GNAO1: variants seen among roughly 807,000 people sequenced by gnomAD.
GNAO1 encodes guanine nucleotide-binding protein G(o) subunit alpha.
For missense variants in GNAO1, 166 were observed against 478.7 expected (o/e 0.35, Z 6.10); for synonymous variants, 164 against 180.7 (o/e 0.91, Z 0.74).
At chr16:56,292,613 C>G (rs541333307) in intron 3 of GNAO1, among the ~76,000 whole-genome samples, 8 of 152,304 alleles carry the variant, frequency 5.3e-5, no homozygotes, top group South Asian at 2.1e-4. Context: ...CCACCCACCT[C>G]AGCCTCCCAA....
intron 2 of GNAO1, among the ~76,000 whole-genome samples, chr16:56,211,201 C>A (rs1212412821): frequency 1.3e-5 from 2 of 152,174 alleles, no homozygotes; most frequent in Admixed American, 6.5e-5. Context: ...GCTTAATATG[C>A]AGATCAGCTT....
intron 3 of GNAO1, among the ~76,000 whole-genome samples, chr16:56,298,157 G>A (rs1321974290): frequency 6.6e-6 from 1 of 152,220 alleles, no homozygotes; most frequent in East Asian, 1.9e-4. Context: ...GGGCAACAGG[G>A]CGAGACCCTG....
rs149176991 is a variant in GNAO1, at chr16:56,283,495, T to C, written c.303+7423T>C. Among the ~76,000 whole-genome samples the C allele has an allele frequency of 2.8e-3, 429 of 152,326 alleles. 2 individuals are homozygous for C. Among genetic ancestry groups the C allele is most frequent in the Non-Finnish European group, 4.0e-3 (272 of 68,032 alleles). ...TCCTCTGGTAAAAGAAATCTTGACA[T>C]TTAAGTCACACAATGGAGCTCAGGA... On this transcript the variant is annotated intron_variant, in intron 3 of 8. Coordinates refer to ENST00000262493, the MANE Select transcript of GNAO1 (RefSeq NM_020988.3).
Position 56,341,087 on chromosome 16 carries a change from C to T in GNAO1, c.723+4227C>T, listed in dbSNP as rs2037798377. On this transcript the variant is annotated intron_variant, in intron 6 of 8. Coordinates refer to ENST00000262493, the MANE Select transcript of GNAO1 (RefSeq NM_020988.3). Reference sequence around the variant, plus strand: ...TGCTCTGTGGATGCCCCTGACTCTGCCACAGAGAATCCACACAAACGGTCC... The same window carrying T: ...TGCTCTGTGGATGCCCCTGACTCTGTCACAGAGAATCCACACAAACGGTCC... The T allele has an allele frequency of 6.4e-6, 6 of 939,790 alleles. No individual in the cohort carries two copies. The African/African-American group carries it at 9.8e-5, about 15-fold the overall frequency. The allele number at this position is 939,790 out of a possible 1,614,324, so 58.2% of individuals were successfully genotyped here.
intron 3 of GNAO1, among the ~76,000 whole-genome samples, chr16:56,299,212 T>C (rs1414867494): frequency 6.6e-6 from 1 of 152,212 alleles, no homozygotes; most frequent in Non-Finnish European, 1.5e-5. Flanking sequence ...CAGGTGAACA[T>C]TCCTACCTTC....
At chr16:56,205,830 T>G (rs2036322313) in intron 2 of GNAO1, among the ~76,000 whole-genome samples, 1 of 152,110 alleles carries the variant, frequency 6.6e-6, no homozygotes. Context: ...TTTCATATAG[T>G]CATGCGTTCT....
In GNAO1 at chr16:56,351,356, C is replaced by A; in HGVS notation, c.724-28C>A. The A allele has an allele frequency of 6.3e-7, 1 of 1,581,936 alleles. No individual in the cohort carries two copies. The highest frequency in any genetic ancestry group is 1.7e-5 in the Admixed American group (1 of 59,652). On this transcript the variant is annotated intron_variant, in intron 6 of 8. Transcript: ENST00000262493. The surrounding 1 kb of genome is among the most constrained non-coding windows in gnomAD (Gnocchi z 6.1). ...TCTGTGTCTCCCTCCCGCTGTCTGT[C>A]CTCTCTCCTCCCTTCCTGCGGCCGC... is the stretch of plus-strand genomic sequence containing the variant.
At position 56,192,078 on chromosome 16, in the gene GNAO1, G is replaced by T; in HGVS notation, c.-158G>T. The T allele has an allele frequency of 1.7e-6, 1 of 601,040 alleles. No homozygotes were observed. The highest frequency in any genetic ancestry group is 3.0e-6 in the Non-Finnish European group (1 of 337,688). 37.2% of individuals were successfully genotyped at this position (601,040 alleles called of 1,614,324 possible). ...TTGTTAGCGGCTGTCTTTTTGGAGGGTTCTGGTTTCCCGACATTTTTGTTT... is the reference window on the plus strand; with the variant it reads ...TTGTTAGCGGCTGTCTTTTTGGAGGTTTCTGGTTTCCCGACATTTTTGTTT... On this transcript the variant is annotated 5_prime_UTR_variant, in exon 1 of 9. Coordinates refer to ENST00000262493, the MANE Select transcript of GNAO1 (RefSeq NM_020988.3).
At chr16:56,347,910 G>A (rs1326937746) in intron 6 of GNAO1, 73 of 865,068 alleles carry the variant, frequency 8.4e-5, no homozygotes, top group South Asian at 1.1e-4. Context: ...TCTGCCCGCC[G>A]TCCCCCACCC....
chr16:56,192,693 C>A, intron 2 of GNAO1, 77 bp downstream of exon 2: 2 of 864,040 alleles, frequency 2.3e-6, no homozygotes, highest in East Asian at 2.5e-5. Flanking sequence ...TTGCTTACTC[C>A]ACATTGCTCT....
At chr16:56,256,716 CTCTGTGTGTGTGTG>C (rs778133873) in intron 2 of GNAO1, among the ~76,000 whole-genome samples, 1,050 of 90,276 alleles carry the variant, frequency 0.012, 8 homozygotes, top group Non-Finnish European at 0.019. Context: ...CTCTCTCTCT[CTCTGTGTGTGTGTG>C]TGTGTGTGTG....
At chr16:56,340,665 C>T (rs1449936190) in intron 6 of GNAO1, 10 of 667,090 alleles carry the variant, frequency 1.5e-5, no homozygotes, top group Middle Eastern at 2.9e-4. Flanking sequence ...GACCACGTCC[C>T]GTCTGTCCTT....
At chr16:56,324,236 C>T (rs1285316033) in intron 3 of GNAO1, among the ~76,000 whole-genome samples, 3 of 152,220 alleles carry the variant, frequency 2.0e-5, no homozygotes, top group East Asian at 3.9e-4. Flanking sequence ...TTTGTGGCCT[C>T]GGTTTGTAAA....
intron 2 of GNAO1, among the ~76,000 whole-genome samples, chr16:56,205,352 G>T (rs1356343898): frequency 2.0e-5 from 3 of 152,204 alleles, no homozygotes; most frequent in Non-Finnish European, 4.4e-5. Context: ...AGGAGCTCCA[G>T]CCAGGGCAGA....
intron 4 of GNAO1, 60 bp from the exon 5 acceptor site, chr16:56,334,669 C>T: frequency 6.3e-7 from 1 of 1,579,644 alleles, no homozygotes; most frequent in Non-Finnish European, 8.7e-7. Context: ...GGTGGCCTGG[C>T]CAGTCCCGAA....
intron 3 of GNAO1, among the ~76,000 whole-genome samples, chr16:56,295,029 T>A (rs1233419903): frequency 6.6e-6 from 1 of 152,218 alleles, no homozygotes; most frequent in African/African-American, 2.4e-5. Flanking sequence ...GTCAGTTATA[T>A]GTACTATTTC....
chr16:56,356,209 G>A lies in GNAO1; in HGVS notation c.*135G>A, dbSNP rs2037966282. On this transcript the variant is annotated 3_prime_UTR_variant, in exon 9 of 9. Transcript: ENST00000262493. The stretch of plus-strand genomic sequence containing the variant: ...TGTATCAAGCCCCTGTCTAACCTAC[G>A]ACCCCAGAGTGACTGACGGCTGTGT... 6.6e-6 allele frequency: 1 copy of A among 152,526 alleles called. No individual in the cohort carries two copies. Among genetic ancestry groups the A allele is most frequent in the Non-Finnish European group, 1.5e-5 (1 of 68,046 alleles). The allele number at this position is 152,526 out of a possible 1,614,324, so 9.4% of individuals were successfully genotyped here. A position where few individuals can be genotyped will look rare whatever the true frequency, so the allele number is the denominator to read the frequency against.
At chr16:56,279,488 C>A (rs1436073459) in intron 3 of GNAO1, among the ~76,000 whole-genome samples, 1 of 152,174 alleles carries the variant, frequency 6.6e-6, no homozygotes, top group Non-Finnish European at 1.5e-5. Flanking sequence ...CTCCTCTGGG[C>A]CTTCGCTGGG....
intron 2 of GNAO1, among the ~76,000 whole-genome samples, chr16:56,240,579 A>G (rs2036685261): frequency 6.6e-6 from 1 of 152,074 alleles, no homozygotes; most frequent in Non-Finnish European, 1.5e-5. Flanking sequence ...TTGAACTTTT[A>G]TCTGAGCCTC....
Sources: allele counts gnomAD v4.1 joint callset (sites outside exome capture counted in the v4.1 genomes callset), GRCh38; gene constraint gnomAD v4.1.1; non-coding constraint Gnocchi (gnomAD v3.1); transcripts MANE v1.5; gene names NCBI Gene and HGNC (gene_info 2026-07-23, HGNC 2026-07-21).